The following BABAM2 variants were observed in gnomAD, a reference collection of about 807,000 sequenced individuals.
BABAM2 encodes BRISC and BRCA1 A complex member 2.
A neutral mutation model predicts 54.7 loss-of-function variants in BABAM2; 31 were observed. The observed-to-expected ratio is 0.57, with a 90% CI of 0.43 to 0.77. The LOEUF (loss-of-function observed/expected upper bound fraction) is 0.77, where lower values mean the gene tolerates loss of function less well. BABAM2 is among the 30% of genes least tolerant of loss of function. BABAM2 has a pLI of 0.00. For synonymous variants in BABAM2, 167 were observed against 162.9 expected, an observed-to-expected ratio of 1.03 and a Z score of -0.19; for missense variants, 364 against 455.8, an observed-to-expected ratio of 0.80 and a Z score of 1.83.
intron 5 of BABAM2, among the ~76,000 whole-genome samples, chr2:28,030,287 C>T (rs1376177244): frequency 1.3e-5 from 2 of 152,008 alleles, no homozygotes; most frequent in South Asian, 2.1e-4. Flanking sequence ...TTAATGTTAC[C>T]GATATTCCTT....
At chr2:28,109,780 C>T (rs771183761) in intron 6 of BABAM2, among the ~76,000 whole-genome samples, 2 of 152,156 alleles carry the variant, frequency 1.3e-5, no homozygotes, top group Non-Finnish European at 1.5e-5. Flanking sequence ...TTGTACTTTT[C>T]AGTTTCTACT....
intron 11 of BABAM2, among the ~76,000 whole-genome samples, chr2:28,336,958 G>C (rs961169138): frequency 6.6e-6 from 1 of 152,212 alleles, no homozygotes; most frequent in Non-Finnish European, 1.5e-5. Context: ...TGCTGCTTCT[G>C]ATCTCCTGGG....
At chr2:28,137,392 T>G (rs1398047218) in intron 7 of BABAM2, among the ~76,000 whole-genome samples, 1 of 152,174 alleles carries the variant, frequency 6.6e-6, no homozygotes, top group Non-Finnish European at 1.5e-5. Flanking sequence ...GAGAGCTGTC[T>G]TATCCTCTAG....
intron 7 of BABAM2, among the ~76,000 whole-genome samples, chr2:28,195,653 G>A (rs1677446551): frequency 6.6e-6 from 1 of 152,120 alleles, no homozygotes; most frequent in South Asian, 2.1e-4. Flanking sequence ...TTTTATCGTA[G>A]ATACATAGCT....
At chr2:28,056,204 A>G (rs1487300212) in intron 6 of BABAM2, among the ~76,000 whole-genome samples, 1 of 152,148 alleles carries the variant, frequency 6.6e-6, no homozygotes, top group Non-Finnish European at 1.5e-5. Context: ...CAACAGGACT[A>G]CAGGTTATAG....
chr2:27,890,506 T>C (rs1664726019), upstream of BABAM2: 1 of 613,110 alleles, frequency 1.6e-6, no homozygotes, highest in South Asian at 1.9e-5. This position sits in a 1 kb window ranked among gnomAD's most constrained non-coding sequence, Gnocchi z 4.8. Context: ...CCACCAAGTG[T>C]CCCCTCTTCT....
intron 3 of BABAM2, among the ~76,000 whole-genome samples, chr2:27,967,814 A>T (rs945441654): frequency 6.6e-6 from 1 of 152,166 alleles, no homozygotes; most frequent in Admixed American, 6.5e-5. Flanking sequence ...TAGCAAAGAG[A>T]TTGGCGGCAT....
chr2:28,078,006 A>G (rs964116350), intron 6 of BABAM2, among the ~76,000 whole-genome samples: 2 of 152,120 alleles, frequency 1.3e-5, no homozygotes, highest in African/African-American at 4.8e-5. Flanking sequence ...TGGGTCAACT[A>G]TTGTACAAAG....
chr2:28,085,898 T>C (rs1665594061), intron 6 of BABAM2, among the ~76,000 whole-genome samples: 2 of 152,170 alleles, frequency 1.3e-5, no homozygotes, highest in African/African-American at 4.8e-5. Flanking sequence ...TCAGAGATGA[T>C]TTCCTTAAAT....
intron 7 of BABAM2, among the ~76,000 whole-genome samples, chr2:28,142,316 T>C (rs1671136291): frequency 6.6e-6 from 1 of 152,126 alleles, no homozygotes; most frequent in South Asian, 2.1e-4. Flanking sequence ...ATATTGCAAA[T>C]AGGACCATAA....
chr2:28,167,697 A>AAAAAAAAT lies in BABAM2; in HGVS notation c.680+38320_680+38321insAAAATAAA, dbSNP rs1553333326. ...CGACAGAGCGAGACTCCATCTCAAA[A>AAAAAAAAT]AAATAAATAAATAAATAAATAAATA... On this transcript the variant is annotated intron_variant, in intron 7 of 11. Transcript: ENST00000379624. Among the ~76,000 whole-genome samples the AAAAAAAAT allele has an allele frequency of 6.5e-4, 94 of 145,336 alleles. 1 individual carries two copies. Among genetic ancestry groups the AAAAAAAAT allele is most frequent in the Admixed American group, 3.3e-3 (48 of 14,504 alleles).
rs529870947 is a variant in BABAM2, at chr2:28,158,242, A to G, written c.680+28862A>G. 2.0e-5 allele frequency among the ~76,000 whole-genome samples: 3 copies of G among 152,316 alleles called. No homozygotes were observed. The South Asian group carries it at 6.2e-4, about 32-fold the overall frequency. On this transcript the variant is annotated intron_variant, in intron 7 of 11. Transcript: ENST00000379624. Reference sequence around the variant, plus strand: ...TTCACCCTCACCTAATAATAAAAAAACTCAAAAATAAAAACAACAAAATGT... The same window carrying G: ...TTCACCCTCACCTAATAATAAAAAAGCTCAAAAATAAAAACAACAAAATGT...
At chr2:28,202,040 G>A (rs931905519) in intron 7 of BABAM2, among the ~76,000 whole-genome samples, 1 of 152,152 alleles carries the variant, frequency 6.6e-6, no homozygotes, top group Non-Finnish European at 1.5e-5. Flanking sequence ...TTTGCCAGAG[G>A]AAGTTAAAAG....
chr2:28,154,151 C>T (rs942646478), intron 7 of BABAM2, among the ~76,000 whole-genome samples: 2 of 152,196 alleles, frequency 1.3e-5, no homozygotes, highest in African/African-American at 4.8e-5. Context: ...GCATATAGCT[C>T]ACCTAAGCTC....
chr2:27,932,356 CA>C (rs948639336), intron 3 of BABAM2, among the ~76,000 whole-genome samples: 33 of 151,822 alleles, frequency 2.2e-4, no homozygotes, highest in Admixed American at 1.0e-3. Context: ...TTTAGAGATT[CA>C]AAAAAAATGT....
At chr2:28,170,615 A>T (rs1674216220) in intron 7 of BABAM2, among the ~76,000 whole-genome samples, 1 of 152,140 alleles carries the variant, frequency 6.6e-6, no homozygotes, top group African/African-American at 2.4e-5. Context: ...CCATATCTTT[A>T]TGTTTGATTG....
intron 10 of BABAM2, among the ~76,000 whole-genome samples, chr2:28,254,088 A>G (rs1683739569): frequency 6.6e-6 from 1 of 152,188 alleles, no homozygotes; most frequent in Non-Finnish European, 1.5e-5. Flanking sequence ...TACAAGGTCA[A>G]ATGCCTCCTG....
At chr2:28,190,696 G>C (rs528628868) in intron 7 of BABAM2, among the ~76,000 whole-genome samples, 1 of 147,738 alleles carries the variant, frequency 6.8e-6, no homozygotes, top group South Asian at 2.1e-4. Flanking sequence ...CAAAAAACAA[G>C]GGGGGGGCGG....
intron 3 of BABAM2, among the ~76,000 whole-genome samples, chr2:27,943,526 G>T (rs557949878): frequency 1.3e-5 from 2 of 152,220 alleles, no homozygotes; most frequent in Non-Finnish European, 2.9e-5. Context: ...TTTCATTCGC[G>T]CTCACAAACC....
Sources: gnomAD v4.1 joint callset for allele counts (sites outside exome capture counted in the v4.1 genomes callset) on GRCh38, gnomAD v4.1.1 for gene constraint, Gnocchi (gnomAD v3.1) non-coding constraint, MANE v1.5 for transcripts, NCBI Gene and HGNC (gene_info 2026-07-23, HGNC 2026-07-21) for gene names.